Variants in ASTN2 observed in about 807,000 individuals in gnomAD.
ASTN2 encodes the protein astrotactin-2.
A neutral mutation model predicts 139.8 loss-of-function variants in ASTN2; 54 were observed. That is an observed-to-expected ratio of 0.39 (90% CI 0.31 to 0.48). ASTN2 has a LOEUF of 0.48. ASTN2 is among the 20% of genes least tolerant of loss of function. The probability of loss-of-function intolerance (pLI) is 0.95; values close to 1 mark genes in which losing one functional copy is unlikely to be tolerated. For missense variants in ASTN2, 1,565 were observed against 1,725.1 expected, an observed-to-expected ratio of 0.91 and a Z score of 1.64; for synonymous variants, 756 against 719.5, an observed-to-expected ratio of 1.05 and a Z score of -0.81.
chr9:116,887,395 C>T (rs752212215), intron 10 of ASTN2, among the ~76,000 whole-genome samples: 1 of 151,464 alleles, frequency 6.6e-6, no homozygotes, highest in Non-Finnish European at 1.5e-5. Context: ...CAGGATCCCC[C>T]GAGGAGAGGC....
chr9:116,498,644 A>C (rs1201685824), intron 19 of ASTN2, among the ~76,000 whole-genome samples: 1 of 152,294 alleles, frequency 6.6e-6, no homozygotes, highest in Non-Finnish European at 1.5e-5. Context: ...AAGAAAGTGA[A>C]GAAGAGTACA....
At chr9:117,298,702 ATGTGTGTGTGTGTGTGTG>A (rs60775898) in intron 1 of ASTN2, among the ~76,000 whole-genome samples, 2 of 136,234 alleles carry the variant, frequency 1.5e-5, no homozygotes, top group Admixed American at 7.6e-5. Flanking sequence ...GTGCATATGT[ATGTGTGTGTGTGTGTGTG>A]TGTGTGTGTG....
chr9:116,631,566 G>A (rs1856745343), intron 17 of ASTN2, among the ~76,000 whole-genome samples: 1 of 113,100 alleles, frequency 8.8e-6, no homozygotes, highest in African/African-American at 3.2e-5. Flanking sequence ...GCCTAGGAAG[G>A]GTAAGAGAGA....
At chr9:117,129,555 T>G (rs912129514) in intron 4 of ASTN2, among the ~76,000 whole-genome samples, 3 of 152,212 alleles carry the variant, frequency 2.0e-5, no homozygotes, top group Admixed American at 1.3e-4. Flanking sequence ...ATTTTATATA[T>G]GTCCATTTTA....
intron 2 of ASTN2, among the ~76,000 whole-genome samples, chr9:117,255,094 C>T (rs914818746): frequency 6.6e-6 from 1 of 152,136 alleles, no homozygotes; most frequent in African/African-American, 2.4e-5. Flanking sequence ...GGTCCAGAAC[C>T]AACTGTTTGG....
intron 16 of ASTN2, among the ~76,000 whole-genome samples, chr9:116,675,421 AT>A (rs1859445574): frequency 6.6e-6 from 1 of 151,990 alleles, no homozygotes; most frequent in African/African-American, 2.4e-5. Context: ...TAGCTCCACC[AT>A]GGTGTGTCTG....
chr9:117,302,157 T>A (rs961341839), intron 1 of ASTN2, among the ~76,000 whole-genome samples: 10 of 152,068 alleles, frequency 6.6e-5, no homozygotes, highest in Non-Finnish European at 1.3e-4. Flanking sequence ...GAGATAAAAC[T>A]TCCTACTTTA....
chr9:117,250,090 G>T (rs1289902528), intron 2 of ASTN2, among the ~76,000 whole-genome samples: 2 of 152,144 alleles, frequency 1.3e-5, no homozygotes, highest in Non-Finnish European at 2.9e-5. Context: ...CTTAATCCAG[G>T]TGGAATCAGA....
At chr9:116,561,053 T>G (rs925004095) in intron 19 of ASTN2, among the ~76,000 whole-genome samples, 8 of 152,090 alleles carry the variant, frequency 5.3e-5, no homozygotes, top group African/African-American at 9.7e-5. Flanking sequence ...AGAGAGGGTG[T>G]AGGGAAAATA....
intron 10 of ASTN2, among the ~76,000 whole-genome samples, chr9:116,864,037 A>G (rs777861748): frequency 9.2e-5 from 14 of 152,128 alleles, no homozygotes; most frequent in South Asian, 4.1e-4. Context: ...AGCAAGGTGA[A>G]GTATCTTGCT....
intron 2 of ASTN2, among the ~76,000 whole-genome samples, chr9:117,231,645 C>G (rs41323346): frequency 6.6e-6 from 1 of 151,324 alleles, no homozygotes; most frequent in Non-Finnish European, 1.5e-5. Flanking sequence ...AAGAAGCCAA[C>G]GGTTTAAGGA....
intron 12 of ASTN2, among the ~76,000 whole-genome samples, chr9:116,819,789 T>G (rs926814197): frequency 4.6e-5 from 7 of 152,234 alleles, no homozygotes; most frequent in Non-Finnish European, 1.0e-4. Flanking sequence ...GAAAAAAGTC[T>G]GTTCTTGTAA....
At chr9:116,803,365 G>T (rs1830919764) in intron 13 of ASTN2, among the ~76,000 whole-genome samples, 1 of 147,280 alleles carries the variant, frequency 6.8e-6, no homozygotes. Context: ...GCCCAGACTG[G>T]ATTGCAGTGG....
intron 3 of ASTN2, among the ~76,000 whole-genome samples, chr9:117,151,385 C>T (rs1830324036): frequency 6.6e-6 from 1 of 152,074 alleles, no homozygotes; most frequent in African/African-American, 2.4e-5. Flanking sequence ...CCACCTATAC[C>T]TTACAATGGA....
intron 19 of ASTN2, among the ~76,000 whole-genome samples, chr9:116,492,788 A>G (rs932411419): frequency 2.0e-5 from 3 of 152,170 alleles, no homozygotes; most frequent in Non-Finnish European, 2.9e-5. Context: ...TCTGAGAAAG[A>G]CACAAAGTCT....
At chr9:117,031,618 A>G (rs1838248833) in intron 6 of ASTN2, among the ~76,000 whole-genome samples, 1 of 152,190 alleles carries the variant, frequency 6.6e-6, no homozygotes, top group African/African-American at 2.4e-5. Flanking sequence ...TAATACAGAA[A>G]AAAAGCAGGG....
intron 16 of ASTN2, among the ~76,000 whole-genome samples, chr9:116,720,430 A>G (rs974603704): frequency 2.0e-5 from 3 of 152,194 alleles, no homozygotes; most frequent in East Asian, 3.9e-4. Flanking sequence ...TACACTTGGA[A>G]AAGACATGTT....
intron 10 of ASTN2, among the ~76,000 whole-genome samples, chr9:116,932,323 C>A (rs917805060): frequency 2.0e-5 from 3 of 152,170 alleles, no homozygotes; most frequent in Admixed American, 6.5e-5. Context: ...CAAGGACAAA[C>A]AGCCTGGTAG....
rs75263004 is a variant in ASTN2 at position 117,049,396 on chromosome 9, C to T, written c.1277-9431G>A. Among the ~76,000 whole-genome samples, 136 of 152,186 alleles carry T rather than the reference C, an allele frequency of 8.9e-4. No homozygotes were observed. The East Asian group carries it at 0.02, about 23-fold the overall frequency. ...TACATTCTGTTTAACAGGATTCAGC[C>T]GAATGTTTCCCTAAAGTATTAAGAC... On this transcript the variant is annotated intron_variant, in intron 5 of 22. Transcript: ENST00000313400.
Sources: gnomAD v4.1 joint callset for allele counts (sites outside exome capture counted in the v4.1 genomes callset) on GRCh38, gnomAD v4.1.1 for gene constraint, MANE v1.5 for transcripts, NCBI Gene and HGNC (gene_info 2026-07-23, HGNC 2026-07-21) for gene names.